Variants in SLC24A3 observed in about 807,000 individuals in gnomAD.
The protein encoded by SLC24A3 is sodium/potassium/calcium exchanger 3.
Under a neutral mutation model 75.8 loss-of-function variants are expected in SLC24A3, and 28 were observed. The observed-to-expected ratio is 0.37, with a 90% CI of 0.27 to 0.51. SLC24A3 has a LOEUF of 0.51. SLC24A3 is among the 20% of genes least tolerant of loss of function. The probability of loss-of-function intolerance (pLI) is 0.94; values close to 1 mark genes in which losing one functional copy is unlikely to be tolerated. For missense variants in SLC24A3, 663 were observed against 847.8 expected, an observed-to-expected ratio of 0.78 and a Z score of 2.71; for synonymous variants, 372 against 334.1, an observed-to-expected ratio of 1.11 and a Z score of -1.24.
chr20:19,419,107 T>C (rs1331566044), intron 2 of SLC24A3, among the ~76,000 whole-genome samples: 1 of 152,216 alleles, frequency 6.6e-6, no homozygotes, highest in Non-Finnish European at 1.5e-5. Context: ...AACCAAACAG[T>C]TGATGAGAGA....
intron 3 of SLC24A3, among the ~76,000 whole-genome samples, chr20:19,539,628 C>T (rs895671356): frequency 5.3e-5 from 8 of 152,142 alleles, no homozygotes; most frequent in African/African-American, 1.7e-4. Context: ...GACACCTTTC[C>T]TCCCCATCAT....
At position 19,567,497 on chromosome 20, in the gene SLC24A3, A is replaced by G. The variant is rs6112465; in HGVS notation, c.349-12503A>G. ...AAAGCTGGGAACAACAGACACTGGG[A>G]CCTACTTGAGGGTAGGGGTGGGAGG... On this transcript the variant is annotated intron_variant, in intron 3 of 16. Transcript: ENST00000328041. Among the ~76,000 whole-genome samples the G allele has an allele frequency of 6.7e-3, 1,023 of 152,254 alleles. 6 individuals carry two copies. Among genetic ancestry groups the G allele is most frequent in the Middle Eastern group, 0.031 (9 of 294 alleles).
intron 1 of SLC24A3, among the ~76,000 whole-genome samples, chr20:19,214,058 C>A (rs1190358562): frequency 6.6e-6 from 1 of 152,186 alleles, no homozygotes; most frequent in South Asian, 2.1e-4. Flanking sequence ...TTTTGATAGT[C>A]ACCGTAAAAT....
intron 2 of SLC24A3, among the ~76,000 whole-genome samples, chr20:19,321,107 A>G (rs1984697587): frequency 6.6e-6 from 1 of 152,038 alleles, no homozygotes; most frequent in African/African-American, 2.4e-5. Context: ...ATATGTATTT[A>G]TATATATAAT....
intron 15 of SLC24A3, among the ~76,000 whole-genome samples, chr20:19,716,418 TTTC>T (rs147205646): frequency 0.73 from 109,550 of 149,078 alleles, 40,404 homozygotes; most frequent in East Asian, 0.95. Context: ...ATTAAAACTG[TTTC>T]TTTTTTTTTC....
At chr20:19,399,223 TTTTC>T (rs1397527027) in intron 2 of SLC24A3, among the ~76,000 whole-genome samples, 3 of 152,238 alleles carry the variant, frequency 2.0e-5, no homozygotes, top group Non-Finnish European at 2.9e-5. Flanking sequence ...TTCTTAATTG[TTTTC>T]TTTGTTTGTT....
At chr20:19,375,803 G>T (rs1986074144) in intron 2 of SLC24A3, among the ~76,000 whole-genome samples, 2 of 152,132 alleles carry the variant, frequency 1.3e-5, no homozygotes, top group Non-Finnish European at 2.9e-5. Context: ...CTACTTTATT[G>T]AACAGCCTTG....
At chr20:19,250,794 G>C (rs1982630762) in intron 1 of SLC24A3, among the ~76,000 whole-genome samples, 1 of 152,146 alleles carries the variant, frequency 6.6e-6, no homozygotes, top group Admixed American at 6.5e-5. Context: ...AAACGTTTAT[G>C]GATCTGGGAG....
chr20:19,700,925 C>T (rs2032864521), intron 15 of SLC24A3, among the ~76,000 whole-genome samples: 1 of 152,172 alleles, frequency 6.6e-6, no homozygotes, highest in African/African-American at 2.4e-5. Flanking sequence ...TAAATCTATA[C>T]TTTTCAAGTT....
chr20:19,713,925 G>A (rs2033016010), intron 15 of SLC24A3, among the ~76,000 whole-genome samples: 2 of 152,156 alleles, frequency 1.3e-5, no homozygotes, highest in Non-Finnish European at 2.9e-5. Flanking sequence ...AGTTAGCTCT[G>A]GAGTCCATGC....
At chr20:19,716,110 A>T (rs2033042910) in intron 15 of SLC24A3, among the ~76,000 whole-genome samples, 1 of 152,184 alleles carries the variant, frequency 6.6e-6, no homozygotes, top group South Asian at 2.1e-4. Context: ...TTTCTGATTC[A>T]GGAGTTCTGG....
chr20:19,289,490 C>T (rs8115554), intron 2 of SLC24A3, among the ~76,000 whole-genome samples: 6,410 of 152,280 alleles, frequency 0.042, 429 homozygotes, highest in African/African-American at 0.14. Flanking sequence ...CTCACAGGCA[C>T]CCCCGGAGCA....
At chr20:19,554,139 A>G (rs2030746579) in intron 3 of SLC24A3, among the ~76,000 whole-genome samples, 1 of 152,204 alleles carries the variant, frequency 6.6e-6, no homozygotes. Flanking sequence ...GAAAGTGCCA[A>G]GTTTAAACTG....
At chr20:19,645,160 A>G (rs2032121844) in intron 6 of SLC24A3, among the ~76,000 whole-genome samples, 1 of 152,096 alleles carries the variant, frequency 6.6e-6, no homozygotes, top group African/African-American at 2.4e-5. Context: ...ATGAATCTCT[A>G]TTTTTCAATG....
At chr20:19,370,945 T>C (rs1269740899) in intron 2 of SLC24A3, among the ~76,000 whole-genome samples, 1 of 152,226 alleles carries the variant, frequency 6.6e-6, no homozygotes, top group Admixed American at 6.5e-5. Flanking sequence ...TTGATCCTCA[T>C]TGGAAGATGA....
chr20:19,657,234 A>C (rs971741469), intron 7 of SLC24A3, among the ~76,000 whole-genome samples: 7 of 152,216 alleles, frequency 4.6e-5, no homozygotes, highest in African/African-American at 1.7e-4. Flanking sequence ...AGAAAAGATA[A>C]AGTTTGAGTC....
At chr20:19,701,513 G>A (rs1319234741) in intron 15 of SLC24A3, among the ~76,000 whole-genome samples, 1 of 152,148 alleles carries the variant, frequency 6.6e-6, no homozygotes, top group Non-Finnish European at 1.5e-5. Context: ...ATCATGGTCT[G>A]AACAAAAGCT....
intron 2 of SLC24A3, among the ~76,000 whole-genome samples, chr20:19,326,275 A>G (rs1984859935): frequency 6.6e-6 from 1 of 152,088 alleles, no homozygotes; most frequent in Non-Finnish European, 1.5e-5. Context: ...CAGAGGACCA[A>G]CAGTGAGGGG....
chr20:19,212,959 G>C lies in SLC24A3; in HGVS notation c.117G>C (p.Ser39=). The C allele has an allele frequency of 7.6e-7, 1 of 1,316,946 alleles. No homozygotes were observed. The highest frequency in any genetic ancestry group is 9.7e-7 in the Non-Finnish European group (1 of 1,030,746). The allele number at this position is 1,316,946 out of a possible 1,614,324, so 81.6% of individuals were successfully genotyped here. A position where few individuals can be genotyped will look rare whatever the true frequency, so the allele number is the denominator to read the frequency against. The part of the protein sequence containing the change: ...FLASVALLLW[S]LSSLREQKEL... ...CCTCGGTGGCGCTGCTGCTCTGGTC[G>C]CTGTCGAGCCTGCGAGAGCAGAAGG... Residue 39 remains serine, a synonymous_variant, in exon 1 of 17, where the codon TCG becomes TCC. Transcript: ENST00000328041.
Sources: allele counts gnomAD v4.1 joint callset (sites outside exome capture counted in the v4.1 genomes callset), GRCh38; gene constraint gnomAD v4.1.1; transcripts MANE v1.5; gene names NCBI Gene and HGNC (gene_info 2026-07-23, HGNC 2026-07-21).